Variants in GSE1 observed in about 807,000 individuals in gnomAD.
The protein encoded by GSE1 is genetic suppressor element 1.
GSE1 carries 32 observed loss-of-function variants against 112.6 expected under a neutral mutation model. The ratio of observed to expected loss-of-function variants is 0.28; its 90% CI spans 0.21 to 0.38. GSE1 has a LOEUF of 0.38. Among genes scored for constraint, GSE1 ranks in the 10% least tolerant of loss-of-function variants. GSE1 has a pLI of 1.00. For synonymous variants in GSE1, 1,115 were observed against 735.6 expected, an observed-to-expected ratio of 1.52 and a Z score of -8.35; for missense variants, 2,348 against 1,699.2, an observed-to-expected ratio of 1.38 and a Z score of -6.71.
chr16:85,176,129 T>C (rs1476117983), intron 1 of GSE1, among the ~76,000 whole-genome samples: 1 of 152,182 alleles, frequency 6.6e-6, no homozygotes, highest in African/African-American at 2.4e-5. Flanking sequence ...GCTGGGACCA[T>C]AGGTGTGCGC....
chr16:85,657,704 G>T, intron 8 of GSE1, 100 bp downstream of exon 8: 1 of 738,468 alleles, frequency 1.4e-6, no homozygotes, highest in South Asian at 2.2e-5. Context: ...CTGCCCCAGC[G>T]TTTCTGCCTG....
rs368486595 is a variant in GSE1 at position 85,655,747 on chromosome 16, G to A, written c.819G>A (p.Leu273=). Residue 273 remains leucine, a synonymous_variant, in exon 6 of 16, where the codon CTG becomes CTA. Transcript: ENST00000253458. ...PAFRMDDSYC[L]SALRSPFYPI... The stretch of plus-strand genomic sequence containing the variant: ...ACAGGATGGACGACTCCTACTGCCT[G>A]TCTGCCCTGAGGTCCCCGTTCTACC... 4 of 1,606,576 alleles carry A rather than the reference G, an allele frequency of 2.5e-6. No individual in the cohort carries two copies. In the African/African-American group the frequency reaches 4.0e-5, roughly 16 times the overall value.
chr16:85,440,621 G>T (rs970111902), intron 2 of GSE1, among the ~76,000 whole-genome samples: 1 of 152,242 alleles, frequency 6.6e-6, no homozygotes, highest in Non-Finnish European at 1.5e-5. Flanking sequence ...GCTGGGGTCA[G>T]TGGTCACTGG....
chr16:85,197,514 A>G (rs2074950390), intron 1 of GSE1, among the ~76,000 whole-genome samples: 1 of 152,206 alleles, frequency 6.6e-6, no homozygotes, highest in African/African-American at 2.4e-5. Context: ...ATCTCAGCCT[A>G]GGGCCTAAAA....
intron 2 of GSE1, among the ~76,000 whole-genome samples, chr16:85,484,133 T>C (rs2050763781): frequency 6.6e-6 from 1 of 152,240 alleles, no homozygotes; most frequent in Admixed American, 6.5e-5. Context: ...CGTGCAGGAA[T>C]ATGCCCCTTC....
In GSE1 at chr16:85,613,504, C is replaced by G. The variant is rs1327760225; in HGVS notation, c.7+106C>G. The G allele has an allele frequency of 9.6e-6, 10 of 1,037,964 alleles. No homozygotes were observed. In the Admixed American group the frequency reaches 1.3e-4, roughly 14 times the overall value. 64.3% of individuals were successfully genotyped at this position (1,037,964 alleles called of 1,614,324 possible). On this transcript the variant is annotated intron_variant, in intron 1 of 15. Coordinates refer to ENST00000253458, the MANE Select transcript of GSE1 (RefSeq NM_014615.5). ...CGCGGGGGCGGCCGCCAACGGCTCC[C>G]GGGCAACTTCCCCGGAGTGTTAGCG...
intron 2 of GSE1, among the ~76,000 whole-genome samples, chr16:85,426,698 G>A (rs117826354): frequency 1.1e-4 from 13 of 122,716 alleles, no homozygotes; most frequent in Non-Finnish European, 1.5e-4. Flanking sequence ...GGGTAGATGG[G>A]TGGGTGGATG....
At chr16:85,227,909 A>G (rs1178509524) in intron 1 of GSE1, among the ~76,000 whole-genome samples, 2 of 152,240 alleles carry the variant, frequency 1.3e-5, no homozygotes, top group Non-Finnish European at 2.9e-5. Flanking sequence ...CACTTGAGTC[A>G]AGAGCATCAA....
intron 1 of GSE1, among the ~76,000 whole-genome samples, chr16:85,336,364 G>A (rs1000247804): frequency 2.0e-4 from 30 of 152,332 alleles, no homozygotes; most frequent in African/African-American, 6.5e-4. Flanking sequence ...AGGAGCTCCC[G>A]GCCTAAGCAT....
At chr16:85,179,183 G>A (rs866890311) in intron 1 of GSE1, among the ~76,000 whole-genome samples, 1 of 152,042 alleles carries the variant, frequency 6.6e-6, no homozygotes, top group Non-Finnish European at 1.5e-5. Context: ...CCCACCCCTG[G>A]CACCCACTCG....
At chr16:85,637,563 C>T (rs532020141) in intron 2 of GSE1, among the ~76,000 whole-genome samples, 11 of 151,816 alleles carry the variant, frequency 7.2e-5, no homozygotes, top group East Asian at 2.0e-4. Context: ...GGCTGTGTAT[C>T]GAGCGCCTGC....
At chr16:85,630,704 A>T (rs949517742) in intron 1 of GSE1, among the ~76,000 whole-genome samples, 1 of 152,170 alleles carries the variant, frequency 6.6e-6, no homozygotes, top group Non-Finnish European at 1.5e-5. Context: ...ATCGGGTGCC[A>T]TGGTTGGGCC....
In GSE1 at chr16:85,654,815, C is replaced by T. The variant is rs376206559; in HGVS notation, c.621C>T (p.His207=). ...GCAGCCTCCAGCGGCCCGTGCACCA[C>T]GTGGTGCCCCCCAGTACCGTGACCG... The part of the protein sequence containing the change: ...PPLNLQRPVH[H]VVPPSTVTED... The change falls in exon 5 of 16, where the codon CAC becomes CAT. Residue 207 remains histidine (H), a synonymous_variant. Transcript: ENST00000253458. 6.2e-6 allele frequency: 10 copies of T among 1,611,258 alleles called. 1 individual carries two copies. Among genetic ancestry groups the T allele is most frequent in the African/African-American group, 2.7e-5 (2 of 74,846 alleles).
chr16:85,535,473 C>T (rs1240902494), intron 2 of GSE1, among the ~76,000 whole-genome samples: 2 of 152,216 alleles, frequency 1.3e-5, no homozygotes, highest in Non-Finnish European at 1.5e-5. Flanking sequence ...CTGTGTGACC[C>T]GGGAGCTTTT....
At chr16:85,455,058 A>C (rs2049789338) in intron 2 of GSE1, among the ~76,000 whole-genome samples, 1 of 152,238 alleles carries the variant, frequency 6.6e-6, no homozygotes, top group Admixed American at 6.5e-5. Context: ...ACACGGGTGC[A>C]TCCCACGAGG....
In GSE1 at chr16:85,492,106, G is replaced by A. The variant is rs1006929238; in HGVS notation, c.2464+134463G>A. ...GACACGCCCGCCCCTCCGAGGCAGC[G>A]GGTGCCAGACAGGCTTGGCCGGAGC... On this transcript the variant is annotated intron_variant, in intron 2 of 2. Coordinates refer to the GSE1 transcript ENST00000637419. Among the ~76,000 whole-genome samples the A allele has an allele frequency of 3.9e-5, 6 of 152,302 alleles. No homozygotes were observed. In the South Asian group the frequency reaches 6.2e-4, roughly 16 times the overall value.
chr16:85,465,810 A>G (rs2050106569), intron 2 of GSE1, among the ~76,000 whole-genome samples: 1 of 152,264 alleles, frequency 6.6e-6, no homozygotes, highest in Non-Finnish European at 1.5e-5. Flanking sequence ...GAATCTTCCA[A>G]GCTACTGAGT....
chr16:85,614,959 G>T (rs1598390379), intron 1 of GSE1, among the ~76,000 whole-genome samples: 2 of 152,258 alleles, frequency 1.3e-5, no homozygotes, highest in East Asian at 3.9e-4. Flanking sequence ...GGGGCAGAGA[G>T]AAGGTCTTGG....
In GSE1 at chr16:85,262,547, C is replaced by T. The variant is rs187378772; in HGVS notation, c.2283+90740C>T. Among the ~76,000 whole-genome samples, 28 of 152,320 alleles carry T rather than the reference C, an allele frequency of 1.8e-4. No individual in the cohort carries two copies. The East Asian group carries it at 3.5e-3, about 19-fold the overall frequency. On this transcript the variant is annotated intron_variant, in intron 1 of 2. Transcript: ENST00000637419. ...CCCACATCGGTGATTTCTAGGGTAACGGTTTCCATTTTGGCCATGCCATTA... is the reference window on the plus strand; with the variant it reads ...CCCACATCGGTGATTTCTAGGGTAATGGTTTCCATTTTGGCCATGCCATTA...
Sources: allele counts gnomAD v4.1 joint callset (sites outside exome capture counted in the v4.1 genomes callset), GRCh38; gene constraint gnomAD v4.1.1; transcripts MANE v1.5; gene names NCBI Gene and HGNC (gene_info 2026-07-23, HGNC 2026-07-21).